PPFIBP2: variants seen among roughly 807,000 people sequenced by gnomAD.
PPFIBP2 encodes the protein PPFIB scaffold protein 2, also known as liprin-beta-2.
PPFIBP2 carries 118 observed loss-of-function variants against 118.3 expected under a neutral mutation model. That is an observed-to-expected ratio of 1.00 (90% CI 0.86 to 1.16). The LOEUF (loss-of-function observed/expected upper bound fraction) is 1.16, where lower values mean the gene tolerates loss of function less well. PPFIBP2 is among the 50% of genes most tolerant of loss of function. PPFIBP2 has a pLI of 0.00. For missense variants in PPFIBP2, 1,195 were observed against 1,073.1 expected, an observed-to-expected ratio of 1.11 and a Z score of -1.59; for synonymous variants, 414 against 397.4, an observed-to-expected ratio of 1.04 and a Z score of -0.50.
At chr11:7,589,811 G>T (rs1161458947) in intron 3 of PPFIBP2, among the ~76,000 whole-genome samples, 1 of 152,094 alleles carries the variant, frequency 6.6e-6, no homozygotes, top group Non-Finnish European at 1.5e-5. Context: ...AATCATGCAG[G>T]GATCCACTAT....
At chr11:7,550,902 C>T (rs1004995349) in intron 2 of PPFIBP2, among the ~76,000 whole-genome samples, 1 of 152,130 alleles carries the variant, frequency 6.6e-6, no homozygotes, top group African/African-American at 2.4e-5. Context: ...TTCCTGCCCC[C>T]AAACATCAGA....
chr11:7,588,756 T>C (rs998740232), intron 3 of PPFIBP2, among the ~76,000 whole-genome samples: 1 of 152,252 alleles, frequency 6.6e-6, no homozygotes, highest in South Asian at 2.1e-4. Context: ...CAACACTTGA[T>C]AGACACAAAG....
chr11:7,622,639 C>G (rs184665072), intron 7 of PPFIBP2, among the ~76,000 whole-genome samples: 2 of 152,224 alleles, frequency 1.3e-5, no homozygotes, highest in Admixed American at 1.3e-4. Flanking sequence ...GATTAACTTT[C>G]CCAAGATTTT....
intron 6 of PPFIBP2, among the ~76,000 whole-genome samples, chr11:7,612,290 C>T (rs1426949922): frequency 6.6e-6 from 1 of 152,202 alleles, no homozygotes; most frequent in Non-Finnish European, 1.5e-5. Context: ...GCAACTTCTG[C>T]AGTCAAAGAG....
intron 23 of PPFIBP2, 32 bp from the exon 24 acceptor site, chr11:7,652,992 C>G (rs896090955): frequency 1.3e-6 from 2 of 1,583,766 alleles, no homozygotes; most frequent in African/African-American, 1.3e-5. Flanking sequence ...CCTTGATTGC[C>G]TTCTCATAAT....
Position 7,554,444 on chromosome 11 carries a change from G to T in PPFIBP2, c.64+4905G>T, listed in dbSNP as rs186533701. ...CTCCTTCTAAAAAGAGTGCACTTTG[G>T]GCATGTGATATCAATGTTTATGTAA... is the stretch of plus-strand genomic sequence containing the variant. On this transcript the variant is annotated intron_variant, in intron 2 of 23. Transcript: ENST00000299492. Among the ~76,000 whole-genome samples, 440 of 152,174 alleles carry T rather than the reference G, an allele frequency of 2.9e-3. 6 individuals are homozygous for T. The South Asian group carries it at 0.044, about 15-fold the overall frequency.
intron 14 of PPFIBP2, among the ~76,000 whole-genome samples, chr11:7,638,007 C>G (rs1194290869): frequency 2.0e-5 from 3 of 152,176 alleles, no homozygotes; most frequent in African/African-American, 4.8e-5. Flanking sequence ...GCTCTTCCCC[C>G]CTCCATATGT....
rs534440514 is a variant in PPFIBP2, at chr11:7,595,619, A to G, written c.373-1941A>G. Among the ~76,000 whole-genome samples the G allele has an allele frequency of 1.4e-3, 212 of 152,308 alleles. 7 individuals are homozygous for G. In the South Asian group the frequency reaches 0.041, roughly 30 times the overall value. ...TACTGGGAGCTTATGGGCAGACTCC[A>G]GGAGTGTCTGTTAAGTGATCACTGC... On this transcript the variant is annotated intron_variant, in intron 4 of 23. Coordinates refer to ENST00000299492, the MANE Select transcript of PPFIBP2 (RefSeq NM_003621.5).
intron 3 of PPFIBP2, among the ~76,000 whole-genome samples, chr11:7,578,920 G>C (rs1856843634): frequency 1.3e-5 from 2 of 152,134 alleles, no homozygotes; most frequent in African/African-American, 2.4e-5. Context: ...TGAGCACAGT[G>C]ATGGCAGACA....
chr11:7,572,670 C>G (rs1278124374), intron 3 of PPFIBP2, among the ~76,000 whole-genome samples: 1 of 152,246 alleles, frequency 6.6e-6, no homozygotes, highest in East Asian at 1.9e-4. Flanking sequence ...CTACCAAGAG[C>G]CTTCTGCCCT....
intron 1 of PPFIBP2, among the ~76,000 whole-genome samples, chr11:7,524,754 G>A (rs766892795): frequency 6.6e-6 from 1 of 151,696 alleles, no homozygotes. Flanking sequence ...AAGGGAAGGG[G>A]TGGGGTGGGA....
At position 7,563,384 on chromosome 11, in the gene PPFIBP2, TGAGCACACATCA is replaced by T. The variant is rs1334074785; in HGVS notation, c.65-2168_65-2157del. ...TGGATTTGTAGGAGCCAGAAAGTGC[TGAGCACACATCA>T]CAGTGGTGGGTAATTGGGCAGTTTC... On this transcript the variant is annotated intron_variant, in intron 2 of 23. Coordinates refer to ENST00000299492, the MANE Select transcript of PPFIBP2 (RefSeq NM_003621.5). Among the ~76,000 whole-genome samples, 3 of 152,220 alleles carry T rather than the reference TGAGCACACATCA, an allele frequency of 2.0e-5. No homozygotes were observed. The East Asian group carries it at 5.8e-4, about 29-fold the overall frequency.
chr11:7,557,266 T>C (rs536553155), intron 2 of PPFIBP2, among the ~76,000 whole-genome samples: 1 of 152,070 alleles, frequency 6.6e-6, no homozygotes, highest in Non-Finnish European at 1.5e-5. Context: ...TTTCAGATTT[T>C]CCTATTTTTT....
chr11:7,653,505 C>A lies in PPFIBP2; in HGVS notation c.*287C>A, dbSNP rs1854377916. 7.2e-7 allele frequency: 1 copy of A among 1,384,996 alleles called. No individual in the cohort carries two copies. The highest frequency in any genetic ancestry group is 2.2e-5 in the Admixed American group (1 of 46,246). 85.8% of individuals were successfully genotyped at this position (1,384,996 alleles called of 1,614,324 possible). On this transcript the variant is annotated 3_prime_UTR_variant, in exon 24 of 24. Transcript: ENST00000299492. Reference sequence around the variant, plus strand: ...AATTCTTGATGTTCATCTTCAGCACCAGTGGAAACACATGAACTTCGATGC... The same window carrying A: ...AATTCTTGATGTTCATCTTCAGCACAAGTGGAAACACATGAACTTCGATGC...
intron 12 of PPFIBP2, 56 bp downstream of exon 12, chr11:7,632,990 C>A (rs1207909460): frequency 2.0e-6 from 3 of 1,501,184 alleles, no homozygotes; most frequent in African/African-American, 2.8e-5. Flanking sequence ...TGCCTTGGGG[C>A]TGCCGAAGTA....
At chr11:7,545,698 A>G (rs1590187157) in intron 1 of PPFIBP2, among the ~76,000 whole-genome samples, 1 of 151,714 alleles carries the variant, frequency 6.6e-6, no homozygotes, top group African/African-American at 2.4e-5. Context: ...TAATAAAAAA[A>G]GTATATATTT....
intron 3 of PPFIBP2, chr11:7,573,831 C>A (rs925492836): frequency 2.6e-4 from 39 of 152,330 alleles, no homozygotes; most frequent in African/African-American, 9.4e-4. Context: ...GGTGAAGGCT[C>A]AGGGCTGAGC....
At chr11:7,633,039 T>G in intron 12 of PPFIBP2, 105 bp downstream of exon 12, 2 of 1,017,042 alleles carry the variant, frequency 2.0e-6, no homozygotes, top group Non-Finnish European at 3.0e-6. Context: ...GGCCACTGAG[T>G]CCTAGGTGCA....
intron 6 of PPFIBP2, among the ~76,000 whole-genome samples, chr11:7,611,306 T>C (rs989972680): frequency 6.6e-6 from 1 of 151,832 alleles, no homozygotes; most frequent in African/African-American, 2.4e-5. Flanking sequence ...TGTCATAGTA[T>C]TTGGCATTTT....
Sources: gnomAD v4.1 joint callset for allele counts (sites outside exome capture counted in the v4.1 genomes callset) on GRCh38, gnomAD v4.1.1 for gene constraint, MANE v1.5 for transcripts, NCBI Gene and HGNC (gene_info 2026-07-23, HGNC 2026-07-21) for gene names.